The following AFAP1L2 variants were observed in gnomAD, a reference collection of about 807,000 sequenced individuals.
AFAP1L2 encodes the protein actin filament associated protein 1 like 2, also known as actin filament-associated protein 1-like 2.
Under a neutral mutation model 99.3 loss-of-function variants are expected in AFAP1L2, and 46 were observed. That is an observed-to-expected ratio of 0.46 (90% CI 0.37 to 0.59). The LOEUF (loss-of-function observed/expected upper bound fraction) is 0.59, where lower values mean the gene tolerates loss of function less well. Ranked by LOEUF, AFAP1L2 falls within the 20% of genes least tolerant of loss-of-function variation. AFAP1L2 has a pLI of 0.00. For missense variants in AFAP1L2, 959 were observed against 1,034.9 expected (o/e 0.93, Z 1.01); for synonymous variants, 397 against 419.1 (o/e 0.95, Z 0.64).
chr10:114,282,197 C>T, the AFAP1L2 span, among the ~76,000 whole-genome samples: 19 of 151,832 alleles, frequency 1.3e-4, no homozygotes, highest in Admixed American at 1.2e-3. Context: ...AGAGACGGGG[C>T]TTCACCATGT....
At chr10:114,344,596 G>T (rs1255385548) in intron 1 of AFAP1L2, among the ~76,000 whole-genome samples, 1 of 152,186 alleles carries the variant, frequency 6.6e-6, no homozygotes, top group South Asian at 2.1e-4. Context: ...CTGGCCCTGG[G>T]GAAACAAAGG....
the AFAP1L2 span, among the ~76,000 whole-genome samples, chr10:114,287,387 C>T: frequency 1.3e-5 from 2 of 152,178 alleles, no homozygotes; most frequent in Non-Finnish European, 2.9e-5. Flanking sequence ...TGCTATGTTG[C>T]CCAGGCTGGT....
At chr10:114,324,393 A>ACC (rs2045885100) in intron 4 of AFAP1L2, among the ~76,000 whole-genome samples, 7 of 14,568 alleles carry the variant, frequency 4.8e-4, no homozygotes, top group African/African-American at 1.5e-3. Context: ...ACAGGGGTGC[A>ACC]CCACCCCCCC....
intron 2 of AFAP1L2, among the ~76,000 whole-genome samples, chr10:114,339,899 T>C (rs2048537716): frequency 6.6e-6 from 1 of 151,000 alleles, no homozygotes; most frequent in Non-Finnish European, 1.5e-5. Context: ...TAATCCCAGC[T>C]ACTCCGGAAG....
rs757086196 is a variant in AFAP1L2 at position 114,302,343 on chromosome 10, G to A, written c.1426C>T (p.Leu476Phe). ...GGAAGGGTCCAAATTACTCACAAGA[G>A]AGAGTTTTTGGCCGCACTCACAATA... ...SCIVSAAKNSLLLMQRKFSEP... is the reference protein window; with the variant it reads ...SCIVSAAKNSFLLMQRKFSEP... The change falls in exon 12 of 19, where the codon CTC (leucine) becomes TTC (phenylalanine). Residue 476 changes from leucine (L) to phenylalanine (F), a missense_variant. Physicochemically the swap from Leu to Phe is conservative, Grantham distance 22. This residue lies in a region of AFAP1L2 where 576 missense variants were observed against 562.1 expected (regional missense o/e 1.02). Coordinates refer to ENST00000304129, the MANE Select transcript of AFAP1L2 (RefSeq NM_001001936.3). The A allele has an allele frequency of 6.2e-7, 1 of 1,614,156 alleles. No individual in the cohort carries two copies.
the AFAP1L2 span, among the ~76,000 whole-genome samples, chr10:114,283,628 A>C: frequency 6.6e-6 from 1 of 152,198 alleles, no homozygotes; most frequent in African/African-American, 2.4e-5. Flanking sequence ...TGTGACTTCT[A>C]TTCATTGAGC....
intron 1 of AFAP1L2, among the ~76,000 whole-genome samples, chr10:114,404,078 C>A (rs2058491016): frequency 6.6e-6 from 1 of 152,232 alleles, no homozygotes; most frequent in Non-Finnish European, 1.5e-5. Flanking sequence ...CGGTTCCCAC[C>A]TTCTTCGGGG....
chr10:114,312,920 C>A (rs1196954099), intron 7 of AFAP1L2, among the ~76,000 whole-genome samples: 1 of 152,224 alleles, frequency 6.6e-6, no homozygotes, highest in African/African-American at 2.4e-5. Context: ...AGCCTGCCTG[C>A]TCCAAATCTA....
chr10:114,286,471 C>T, the AFAP1L2 span: 1 of 1,597,056 alleles, frequency 6.3e-7, no homozygotes, highest in Non-Finnish European at 8.6e-7. Context: ...TCAACCAAAT[C>T]CCTGAGCTGC....
chr10:114,355,433 C>T (rs927217777), intron 1 of AFAP1L2, among the ~76,000 whole-genome samples: 1 of 151,954 alleles, frequency 6.6e-6, no homozygotes, highest in African/African-American at 2.4e-5. Flanking sequence ...GCTCACATCC[C>T]TGTGCGACTC....
intron 1 of AFAP1L2, 97 bp from the exon 2 acceptor site, chr10:114,340,828 C>G: frequency 1.3e-6 from 2 of 1,548,968 alleles, no homozygotes; most frequent in East Asian, 4.5e-5. Flanking sequence ...CACCTCGAAC[C>G]CTCTGGTCCC....
chr10:114,387,429 T>C (rs1009088253), intron 1 of AFAP1L2, among the ~76,000 whole-genome samples: 1 of 152,164 alleles, frequency 6.6e-6, no homozygotes, highest in Non-Finnish European at 1.5e-5. Context: ...TAGAACCTAA[T>C]GGCAGCATTA....
intron 1 of AFAP1L2, among the ~76,000 whole-genome samples, chr10:114,358,976 TTCGCC>T (rs2051813883): frequency 6.6e-6 from 1 of 152,162 alleles, no homozygotes; most frequent in Admixed American, 6.5e-5. Flanking sequence ...GAGACGACTG[TTCGCC>T]TAGATTCGTA....
At chr10:114,299,523 CTG>C in intron 15 of AFAP1L2, 108 bp from the exon 16 acceptor site, 1 of 1,402,994 alleles carries the variant, frequency 7.1e-7, no homozygotes, top group Non-Finnish European at 9.7e-7. Flanking sequence ...GCACAAAGCC[CTG>C]CTAGGCTGGA....
chr10:114,400,876 G>A (rs1367301586), intron 1 of AFAP1L2, among the ~76,000 whole-genome samples: 1 of 152,108 alleles, frequency 6.6e-6, no homozygotes, highest in East Asian at 1.9e-4. Flanking sequence ...CACAGCAAAG[G>A]TTTAGAACTA....
chr10:114,288,916 GCCCCTCTGCTTGCT>G, the AFAP1L2 span: 4 of 1,581,506 alleles, frequency 2.5e-6, no homozygotes, highest in East Asian at 9.0e-5. Flanking sequence ...CACTGCTGAA[GCCCCTCTGCTTGCT>G]CCTGCAGGGT....
chr10:114,304,672 A>ACCG (rs373273925), intron 11 of AFAP1L2, 47 bp downstream of exon 11: 1 of 1,503,942 alleles, frequency 6.6e-7, no homozygotes, highest in East Asian at 2.3e-5. Context: ...AACAGCCACC[A>ACCG]CCGCCACACC....
At position 114,322,807 on chromosome 10, in the gene AFAP1L2, G is replaced by A. The variant is rs11196699; in HGVS notation, c.406+364C>T. Among the ~76,000 whole-genome samples, 247 of 152,334 alleles carry A rather than the reference G, an allele frequency of 1.6e-3. 5 individuals carry two copies. In the East Asian group the frequency reaches 0.04, roughly 25 times the overall value. ...TGACCGCCACTTCCATTGCTGACCA[G>A]GGCCTTGGGCCTGTTGGCCAACACT... is the stretch of plus-strand genomic sequence containing the variant. On this transcript the variant is annotated intron_variant, in intron 5 of 18. Transcript: ENST00000304129.
In AFAP1L2 at chr10:114,302,498, A is replaced by AAG; in HGVS notation, c.1285-16_1285-15dup. ...GGAAGACTTGGCCTGGAACGAGGCC[A>AAG]AGAGAGACATAAGCAGGGCCAGGCA... On this transcript the variant is annotated splice_polypyrimidine_tract_variant and intron_variant, in intron 11 of 18. Transcript: ENST00000304129. 6.2e-7 allele frequency: 1 copy of AAG among 1,613,768 alleles called. No homozygotes were observed. The highest frequency in any genetic ancestry group is 8.5e-7 in the Non-Finnish European group (1 of 1,179,976).
Sources: allele counts gnomAD v4.1 joint callset (sites outside exome capture counted in the v4.1 genomes callset), GRCh38; gene constraint gnomAD v4.1.1; regional missense constraint gnomAD v4.1.1; transcripts MANE v1.5; gene names NCBI Gene and HGNC (gene_info 2026-07-23, HGNC 2026-07-21).